ACHE: variants seen among roughly 807,000 people sequenced by gnomAD.
The protein encoded by ACHE is acetylcholinesterase (Yt blood group).
A neutral mutation model predicts 53.9 loss-of-function variants in ACHE; 19 were observed. That is an observed-to-expected ratio of 0.35 (90% CI 0.25 to 0.52). The LOEUF (loss-of-function observed/expected upper bound fraction) is 0.52. Among genes scored for constraint, ACHE ranks in the 20% least tolerant of loss-of-function variants. The probability of loss-of-function intolerance (pLI) is 0.95; values close to 1 mark genes in which losing one functional copy is unlikely to be tolerated. For missense variants in ACHE, 605 were observed against 849.4 expected, an observed-to-expected ratio of 0.71 and a Z score of 3.58; for synonymous variants, 392 against 378.1, an observed-to-expected ratio of 1.04 and a Z score of -0.43.
Position 100,892,851 on chromosome 7 carries a change from C to T in ACHE, c.1069-33G>A, listed in dbSNP as rs1246374519. On this transcript the variant is annotated intron_variant, in intron 2 of 4. Transcript: ENST00000241069. This position sits in a 1 kb window ranked among gnomAD's most constrained non-coding sequence, Gnocchi z 5.2. ...TGAGGGAGAGGGGGGTGGGATGGAG[C>T]GACAGGCACAGACAGACAAGTAGAC... 3.9e-6 allele frequency: 6 copies of T among 1,528,924 alleles called. No individual in the cohort carries two copies. Among genetic ancestry groups the T allele is most frequent in the South Asian group, 2.4e-5 (2 of 82,588 alleles). 94.7% of individuals were successfully genotyped at this position (1,528,924 alleles called of 1,614,324 possible). A position where few individuals can be genotyped will look rare whatever the true frequency, so the allele number is the denominator to read the frequency against.
At chr7:100,890,466 T>G in intron 4 of ACHE, 131 bp from the exon 5 acceptor site, 1 of 1,468,388 alleles carries the variant, frequency 6.8e-7, no homozygotes, top group Admixed American at 2.2e-5. Flanking sequence ...GGCGACCACG[T>G]GGGACGGTGG....
At chr7:100,891,783 CTT>C (rs71902456) in intron 3 of ACHE, among the ~76,000 whole-genome samples, 85 of 103,462 alleles carry the variant, frequency 8.2e-4, no homozygotes, top group African/African-American at 2.3e-3. Context: ...CTTGGTCTCC[CTT>C]TTTTTTTTTT....
intron 4 of ACHE, chr7:100,890,799 G>A: frequency 1.5e-6 from 2 of 1,361,846 alleles, no homozygotes; most frequent in Non-Finnish European, 1.9e-6. Flanking sequence ...TGAGAAGGGT[G>A]GGAGGCACGG....
At position 100,891,363 on chromosome 7, in the gene ACHE, T is replaced by C. The variant is rs368510156; in HGVS notation, c.1554-25A>G. Reference sequence around the variant, plus strand: ...CCTGCGGAAGGAAGGGAAGGCTCAGTCCAGACGGGCAGTGGGAGGAGGTGG... The same window carrying C: ...CCTGCGGAAGGAAGGGAAGGCTCAGCCCAGACGGGCAGTGGGAGGAGGTGG... On this transcript the variant is annotated intron_variant, in intron 3 of 4. Coordinates refer to ENST00000241069, the MANE Select transcript of ACHE (RefSeq NM_000665.5). The C allele has an allele frequency of 1.4e-5, 21 of 1,503,454 alleles. No individual in the cohort carries two copies. In the African/African-American group the frequency reaches 2.4e-4, roughly 17 times the overall value. The allele number at this position is 1,503,454 out of a possible 1,614,324, so 93.1% of individuals were successfully genotyped here.
rs200961647 is a variant in ACHE, at chr7:100,894,006, C to T, written c.227G>A (p.Arg76His). The T allele has an allele frequency of 9.9e-6, 16 of 1,611,468 alleles. No individual in the cohort carries two copies. The highest frequency in any genetic ancestry group is 6.7e-5 in the East Asian group (3 of 44,868). ...CTTGGGCTCCGGTGGCAGAAAGCGA[C>T]GGGGTCCCATGGGTGGCTCCGCAAA... is the stretch of plus-strand genomic sequence containing the variant. ...IPFAEPPMGP[R>H]RFLPPEPKQP... Residue 76 changes from arginine to histidine, a missense_variant, in exon 2 of 5, where the codon CGT (arginine) becomes CAT (histidine). Transcript: ENST00000241069.
At chr7:100,890,506 G>C in intron 4 of ACHE, 171 bp from the exon 5 acceptor site, 4 of 1,443,092 alleles carry the variant, frequency 2.8e-6, no homozygotes, top group South Asian at 1.4e-5. Context: ...TGCGAAAGAC[G>C]AGAGGGAGGA....
chr7:100,896,656 C>G (rs1791050216), upstream of ACHE: 1 of 303,510 alleles, frequency 3.3e-6, no homozygotes, highest in Non-Finnish European at 6.9e-6. Context: ...TGGGTCTGTG[C>G]TGGTTCCCTG....
At chr7:100,890,508 G>A in intron 4 of ACHE, 173 bp from the exon 5 acceptor site, 1 of 1,441,862 alleles carries the variant, frequency 6.9e-7, no homozygotes, top group Admixed American at 2.5e-5. Flanking sequence ...CGAAAGACGA[G>A]AGGGAGGATG....
chr7:100,892,412 G>A lies in ACHE; in HGVS notation c.1475C>T (p.Pro492Leu). The part of the protein sequence containing the change: ...IEFIFGIPLD[P>L]SRNYTAEEKI... The stretch of plus-strand genomic sequence containing the variant: ...CTCCTCTGCCGTGTAGTTTCGAGAG[G>A]GGTCCAGGGGGATCCCAAAGATGAA... Residue 492 changes from proline to leucine, a missense_variant, in exon 3 of 5, where the codon CCC (proline) becomes CTC (leucine). By Grantham distance (98) the Pro-to-Leu change is moderately conservative. Around this residue, in one of 4 missense-constraint regions of ACHE, gnomAD observed 397 missense variants for 632.5 expected, o/e 0.63. Coordinates refer to ENST00000241069, the MANE Select transcript of ACHE (RefSeq NM_000665.5). The surrounding 1 kb of genome is among the most constrained non-coding windows in gnomAD (Gnocchi z 5.2). The A allele has an allele frequency of 1.3e-6, 2 of 1,518,200 alleles. No homozygotes were observed. Among genetic ancestry groups the A allele is most frequent in the Non-Finnish European group, 8.8e-7 (1 of 1,130,180 alleles). 94.0% of individuals were successfully genotyped at this position (1,518,200 alleles called of 1,614,324 possible).
intron 1 of ACHE, among the ~76,000 whole-genome samples, chr7:100,894,589 TCAGTCCACGAA>T (rs1312919233): frequency 7.2e-6 from 1 of 139,446 alleles, no homozygotes; most frequent in Non-Finnish European, 1.6e-5. Context: ...ACCAGAAGCC[TCAGTCCACGAA>T]CAGGCCACCC....
Position 100,894,182 on chromosome 7 carries a change from G to A in ACHE, c.51C>T (p.Leu17=), listed in dbSNP as rs1790891375. Residue 17 remains leucine (L), a synonymous_variant, in exon 2 of 5, where the codon CTC becomes CTT. Coordinates refer to ENST00000241069, the MANE Select transcript of ACHE (RefSeq NM_000665.5). ...CCAGGAGCCAGAGGAGGAGGAGAAG[G>A]AGTGGGGAAGCCAGGGAAGGCGTGT... ...LLHTPSLASP[L]LLLLLWLLGG... 6.8e-7 allele frequency: 1 copy of A among 1,480,682 alleles called. No individual in the cohort carries two copies. The highest frequency in any genetic ancestry group is 8.9e-7 in the Non-Finnish European group (1 of 1,122,318). The allele number at this position is 1,480,682 out of a possible 1,614,324, so 91.7% of individuals were successfully genotyped here. A position where few individuals can be genotyped will look rare whatever the true frequency, so the allele number is the denominator to read the frequency against.
rs749284025 is a variant in ACHE, at chr7:100,893,574, G to A, written c.659C>T (p.Ala220Val). The change falls in exon 2 of 5, where the codon GCC (alanine) becomes GTC (valine). Residue 220 changes from alanine to valine, a missense_variant. Physicochemically the swap from Ala to Val is moderately conservative, Grantham distance 64. This residue lies in a region of ACHE where 397 missense variants were observed against 632.5 expected (regional missense o/e 0.63). Transcript: ENST00000241069. ...CACTGATGTCGGGTCACCCCCGAAG[G>A]CTGCCACGTTCTCCTGCACCCACTG... ...ALQWVQENVAAFGGDPTSVTL... is the reference protein window; with the variant it reads ...ALQWVQENVAVFGGDPTSVTL... 3.1e-6 allele frequency: 5 copies of A among 1,612,126 alleles called. No individual in the cohort carries two copies. Among genetic ancestry groups the A allele is most frequent in the Non-Finnish European group, 4.2e-6 (5 of 1,180,006 alleles).
Position 100,893,898 on chromosome 7 carries a change from T to G in ACHE, c.335A>C (p.Glu112Ala). The G allele has an allele frequency of 6.3e-7, 1 of 1,598,652 alleles. No individual in the cohort carries two copies. Among genetic ancestry groups the G allele is most frequent in the Non-Finnish European group, 8.5e-7 (1 of 1,171,238 alleles). ...QYVDTLYPGF[E>A]GTEMWNPNRE... Reference sequence around the variant, plus strand: ...GTTGGGGTTCCACATCTCGGTGCCCTCAAAACCTGGGTATAGGGTGTCCAC... The same window carrying G: ...GTTGGGGTTCCACATCTCGGTGCCCGCAAAACCTGGGTATAGGGTGTCCAC... The change falls in exon 2 of 5, where the codon GAG (glutamate) becomes GCG (alanine). Residue 112 changes from glutamate to alanine, a missense_variant. By Grantham distance (107) the Glu-to-Ala change is moderately radical (BLOSUM62 -1). This residue lies in a region of ACHE where 397 missense variants were observed against 632.5 expected (regional missense o/e 0.63). Transcript: ENST00000241069.
chr7:100,892,483 G>A lies in ACHE; in HGVS notation c.1404C>T (p.Leu468=). 1.9e-6 allele frequency: 3 copies of A among 1,586,272 alleles called. No homozygotes were observed. Among genetic ancestry groups the A allele is most frequent in the Non-Finnish European group, 1.7e-6 (2 of 1,159,854 alleles). Residue 468 remains leucine (L), a synonymous_variant, in exon 3 of 5, where the codon CTC becomes CTT. Transcript: ENST00000241069. The surrounding 1 kb of genome is among the most constrained non-coding windows in gnomAD (Gnocchi z 5.2). ...AYVFEHRAST[L]SWPLWMGVPH... ...GCACCCCCATCCACAGGGGCCAGGA[G>A]AGCGTGGAAGCACGGTGTTCAAAGA...
At chr7:100,891,377 G>GGGA (rs1378705026) in intron 3 of ACHE, 39 bp from the exon 4 acceptor site, 4 of 1,489,094 alleles carry the variant, frequency 2.7e-6, no homozygotes, top group Non-Finnish European at 3.6e-6. Flanking sequence ...GACGGGCAGT[G>GGGA]GGAGGAGGTG....
In ACHE at chr7:100,892,287, C is replaced by G. The variant is rs774442656; in HGVS notation, c.1553+47G>C. 31 of 1,474,850 alleles carry G rather than the reference C, an allele frequency of 2.1e-5. No homozygotes were observed. The Admixed American group carries it at 2.3e-4, about 11-fold the overall frequency. The allele number at this position is 1,474,850 out of a possible 1,614,324, so 91.4% of individuals were successfully genotyped here. A position where few individuals can be genotyped will look rare whatever the true frequency, so the allele number is the denominator to read the frequency against. On this transcript the variant is annotated intron_variant, in intron 3 of 4. Coordinates refer to ENST00000241069, the MANE Select transcript of ACHE (RefSeq NM_000665.5). This position sits in a 1 kb window ranked among gnomAD's most constrained non-coding sequence, Gnocchi z 5.2. ...TGTCTGCCTTTGTGTGTCCTCCCGC[C>G]CCCGACTCCTGTCCTCCCCAGCCTT... is the stretch of plus-strand genomic sequence containing the variant.
chr7:100,891,446 G>A (rs1790692194), intron 3 of ACHE, 108 bp from the exon 4 acceptor site: 1 of 1,125,332 alleles, frequency 8.9e-7, no homozygotes, highest in South Asian at 1.9e-5. Context: ...CAGAGAACCC[G>A]TCCCCTCCCT....
chr7:100,894,282 AGGGTC>A, intron 1 of ACHE, 30 bp from the exon 2 acceptor site: 1 of 1,394,960 alleles, frequency 7.2e-7, no homozygotes, highest in Non-Finnish European at 9.3e-7. Context: ...GAAAGGGTGA[AGGGTC>A]GGTCGAGAAG....
At position 100,893,484 on chromosome 7, in the gene ACHE, C is replaced by T. The variant is rs768947251; in HGVS notation, c.749G>A (p.Arg250Gln). Residue 250 changes from arginine (R) to glutamine (Q), a missense_variant, in exon 2 of 5, where the codon CGG becomes CAG. By Grantham distance (43) the Arg-to-Gln change is conservative. Around this residue, in one of 4 missense-constraint regions of ACHE, gnomAD observed 397 missense variants for 632.5 expected, o/e 0.63. Transcript: ENST00000241069. ...VGMHLLSPPS[R>Q]GLFHRAVLQS... ...CAGCACGGCCCTGTGGAACAGGCCC[C>T]GGCTGGGCGGGGACAGCAGGTGCAT... The T allele has an allele frequency of 1.6e-5, 26 of 1,607,520 alleles. No homozygotes were observed. Among genetic ancestry groups the T allele is most frequent in the Admixed American group, 6.7e-5 (4 of 59,950 alleles).
Sources: gnomAD v4.1 joint callset for allele counts (sites outside exome capture counted in the v4.1 genomes callset) on GRCh38, gnomAD v4.1.1 for gene constraint, gnomAD v4.1.1 regional missense constraint, Gnocchi (gnomAD v3.1) non-coding constraint, MANE v1.5 for transcripts, NCBI Gene and HGNC (gene_info 2026-07-23, HGNC 2026-07-21) for gene names.